NAV2: variants seen among roughly 807,000 people sequenced by gnomAD.
The protein encoded by NAV2 is neuron navigator 2.
NAV2 carries 54 observed loss-of-function variants against 223.2 expected under a neutral mutation model. The observed-to-expected ratio is 0.24, with a 90% CI of 0.19 to 0.30. The LOEUF (loss-of-function observed/expected upper bound fraction) is 0.30. Among genes scored for constraint, NAV2 ranks in the 10% least tolerant of loss-of-function variants. The probability of loss-of-function intolerance (pLI) is 1.00; values close to 1 mark genes in which losing one functional copy is unlikely to be tolerated. For missense variants in NAV2, 2,806 were observed against 3,147.5 expected, an observed-to-expected ratio of 0.89 and a Z score of 2.60; for synonymous variants, 1,279 against 1,239.3, an observed-to-expected ratio of 1.03 and a Z score of -0.67.
intron 1 of NAV2, among the ~76,000 whole-genome samples, chr11:19,612,145 C>A (rs2046664178): frequency 6.6e-6 from 1 of 152,240 alleles, no homozygotes; most frequent in East Asian, 1.9e-4. Context: ...CCCCTTTCAG[C>A]CATGGCTGGA....
intron 11 of NAV2, among the ~76,000 whole-genome samples, chr11:20,010,492 G>A (rs1028246627): frequency 1.3e-5 from 2 of 152,128 alleles, no homozygotes; most frequent in Non-Finnish European, 1.5e-5. Flanking sequence ...TGAGATAAGC[G>A]TGACAGCCCC....
intron 3 of NAV2, among the ~76,000 whole-genome samples, chr11:19,853,410 A>T (rs541824476): frequency 6.6e-6 from 1 of 152,368 alleles, no homozygotes; most frequent in East Asian, 1.9e-4. Flanking sequence ...AAGCTAGTCC[A>T]ACCCGTGGCC....
intron 16 of NAV2, among the ~76,000 whole-genome samples, chr11:20,050,356 A>C (rs1388419787): frequency 2.0e-5 from 3 of 152,052 alleles, no homozygotes; most frequent in Non-Finnish European, 4.4e-5. Context: ...CCTTTGCTGA[A>C]GTTTGGCTCA....
At chr11:19,680,228 C>A (rs146597875) in intron 1 of NAV2, among the ~76,000 whole-genome samples, 126 of 152,258 alleles carry the variant, frequency 8.3e-4, no homozygotes, top group African/African-American at 3.0e-3. Flanking sequence ...CCCCCACCCC[C>A]CTCTTTAGAG....
chr11:20,006,356 G>A (rs980798273), intron 11 of NAV2, among the ~76,000 whole-genome samples: 19 of 152,134 alleles, frequency 1.2e-4, no homozygotes, highest in Non-Finnish European at 2.4e-4. Flanking sequence ...TCTGAAAAAT[G>A]TTTAACCCAT....
intron 1 of NAV2, among the ~76,000 whole-genome samples, chr11:19,655,360 A>C (rs2048089466): frequency 6.6e-6 from 1 of 152,202 alleles, no homozygotes; most frequent in Admixed American, 6.5e-5. Context: ...TATAACTAGA[A>C]ATACCATTTG....
At chr11:19,381,191 C>G (rs1848825855) in intron 1 of NAV2, among the ~76,000 whole-genome samples, 1 of 152,280 alleles carries the variant, frequency 6.6e-6, no homozygotes, top group East Asian at 1.9e-4. Context: ...GAGATTCTCT[C>G]CTCTGCTCCC....
intron 17 of NAV2, among the ~76,000 whole-genome samples, 197 bp downstream of exon 17, chr11:20,051,530 A>G (rs1406841560): frequency 6.6e-6 from 1 of 152,152 alleles, no homozygotes; most frequent in Non-Finnish European, 1.5e-5. Context: ...TTGCTTGAGC[A>G]GGGGCTGTGC....
chr11:19,973,779 C>G (rs7118702), intron 10 of NAV2, among the ~76,000 whole-genome samples: 1,525 of 152,272 alleles, frequency 0.01, 27 homozygotes, highest in African/African-American at 0.032. Flanking sequence ...GAAGGCTTTT[C>G]CAGAGGAAGA....
chr11:19,469,532 A>G (rs1251887493), intron 1 of NAV2, among the ~76,000 whole-genome samples: 2 of 152,152 alleles, frequency 1.3e-5, no homozygotes, highest in Admixed American at 6.5e-5. Context: ...GGTTAGTGGC[A>G]TTGGTTTCAG....
At chr11:19,567,974 A>T (rs1411220068) in intron 1 of NAV2, among the ~76,000 whole-genome samples, 2 of 152,052 alleles carry the variant, frequency 1.3e-5, no homozygotes, top group Non-Finnish European at 2.9e-5. Context: ...TTCATATTTC[A>T]TATTCTGTCT....
intron 1 of NAV2, among the ~76,000 whole-genome samples, chr11:19,492,767 A>G (rs963920596): frequency 1.3e-5 from 2 of 152,250 alleles, no homozygotes; most frequent in African/African-American, 2.4e-5. Context: ...TCCAAAGGCT[A>G]TAATAAGACA....
At chr11:19,562,324 C>G (rs16936987) in intron 1 of NAV2, among the ~76,000 whole-genome samples, 5,122 of 152,212 alleles carry the variant, frequency 0.034, 191 homozygotes, top group East Asian at 0.2. Flanking sequence ...TGGGGCAAAT[C>G]CGCTCTCAGA....
At chr11:19,622,370 A>G (rs1565110154) in intron 1 of NAV2, among the ~76,000 whole-genome samples, 1 of 152,122 alleles carries the variant, frequency 6.6e-6, no homozygotes, top group Non-Finnish European at 1.5e-5. Context: ...AAAGTCTCCC[A>G]TTATTATTGT....
At chr11:20,028,327 T>G (rs1028438708) in intron 11 of NAV2, among the ~76,000 whole-genome samples, 7 of 152,202 alleles carry the variant, frequency 4.6e-5, no homozygotes, top group Non-Finnish European at 8.8e-5. Context: ...CCTGGTTTAA[T>G]GGGCCCTTCC....
intron 1 of NAV2, among the ~76,000 whole-genome samples, chr11:19,484,777 G>A (rs191158875): frequency 5.9e-5 from 9 of 152,316 alleles, no homozygotes; most frequent in Non-Finnish European, 5.9e-5. Context: ...AGTGTTGATG[G>A]ATGGACCCAC....
At chr11:19,680,322 G>A (rs537190473) in intron 1 of NAV2, among the ~76,000 whole-genome samples, 1 of 152,284 alleles carries the variant, frequency 6.6e-6, no homozygotes, top group South Asian at 2.1e-4. Flanking sequence ...TCAGGGGCTC[G>A]GCCATTCCTA....
chr11:19,614,323 G>A (rs568593405), intron 1 of NAV2, among the ~76,000 whole-genome samples: 13 of 152,140 alleles, frequency 8.5e-5, no homozygotes, highest in Non-Finnish European at 1.6e-4. Flanking sequence ...TGGCTGCTCA[G>A]GACAGAGATA....
rs2057340784 is a variant in NAV2, at chr11:20,045,509, C to T, written c.3741C>T (p.Asn1247=). The change falls in exon 14 of 38, where the codon AAC becomes AAT. Residue 1247 remains asparagine, a synonymous_variant. Coordinates refer to ENST00000349880, the MANE Select transcript of NAV2 (RefSeq NM_145117.5). ...ALGSSLPGLV[N]QTDKEKGISS... Reference sequence around the variant, plus strand: ...GCAGCTCTCTACCAGGTCTGGTCAACCAAACAGACAAGGAGAAAGGCATCT... The same window carrying T: ...GCAGCTCTCTACCAGGTCTGGTCAATCAAACAGACAAGGAGAAAGGCATCT... 1 of 1,614,050 alleles carries T rather than the reference C, an allele frequency of 6.2e-7. No individual in the cohort carries two copies. The highest frequency in any genetic ancestry group is 8.5e-7 in the Non-Finnish European group (1 of 1,180,038).
Sources: gnomAD v4.1 joint callset for allele counts (sites outside exome capture counted in the v4.1 genomes callset) on GRCh38, gnomAD v4.1.1 for gene constraint, MANE v1.5 for transcripts, NCBI Gene and HGNC (gene_info 2026-07-23, HGNC 2026-07-21) for gene names.